Variants in AGTPBP1 observed in about 807,000 individuals in gnomAD.
AGTPBP1 encodes the protein cytosolic carboxypeptidase 1.
AGTPBP1 carries 70 observed loss-of-function variants against 143.9 expected under a neutral mutation model. The observed-to-expected ratio is 0.49, with a 90% CI of 0.40 to 0.59. AGTPBP1 has a LOEUF of 0.59. AGTPBP1 is among the 20% of genes least tolerant of loss of function. AGTPBP1 has a pLI of 0.00. For synonymous variants in AGTPBP1, 463 were observed against 500.2 expected (o/e 0.93, Z 0.99); for missense variants, 1,229 against 1,464.5 (o/e 0.84, Z 2.62).
chr9:85,625,904 GT>G (rs368474275), intron 14 of AGTPBP1, among the ~76,000 whole-genome samples: 125 of 105,726 alleles, frequency 1.2e-3, no homozygotes, highest in Admixed American at 2.1e-3. Context: ...ACCTAGTTTT[GT>G]TTTTTTTTTT....
At chr9:85,573,109 C>A (rs10868325) in intron 25 of AGTPBP1, among the ~76,000 whole-genome samples, 21,896 of 151,652 alleles carry the variant, frequency 0.14, 2,250 homozygotes, top group East Asian at 0.51. Context: ...CCCTTCCCCA[C>A]GGTCTCCCTC....
At chr9:85,581,476 A>G (rs1828256410) in intron 23 of AGTPBP1, among the ~76,000 whole-genome samples, 1 of 152,248 alleles carries the variant, frequency 6.6e-6, no homozygotes, top group Non-Finnish European at 1.5e-5. Context: ...AGCTATAAGC[A>G]CAATACAAAT....
chr9:85,649,298 G>A (rs547483826), intron 11 of AGTPBP1, among the ~76,000 whole-genome samples: 18 of 152,184 alleles, frequency 1.2e-4, no homozygotes, highest in African/African-American at 4.1e-4. Context: ...AGTACATCAC[G>A]GGAAGTTTAT....
chr9:85,740,543 T>C (rs1001911013), intron 1 of AGTPBP1, among the ~76,000 whole-genome samples: 1 of 152,350 alleles, frequency 6.6e-6, no homozygotes, highest in South Asian at 2.1e-4. Flanking sequence ...GTTCCTTAAA[T>C]AAATCATTTC....
chr9:85,663,613 TG>T (rs1376074554), intron 8 of AGTPBP1, among the ~76,000 whole-genome samples: 2 of 143,932 alleles, frequency 1.4e-5, no homozygotes, highest in East Asian at 2.0e-4. Flanking sequence ...CCCATAATGA[TG>T]GGGGAAAAAA....
At chr9:85,646,184 T>C (rs75619813) in intron 12 of AGTPBP1, 137 bp downstream of exon 12, 12,422 of 617,338 alleles carry the variant, frequency 0.02, 461 homozygotes, top group African/African-American at 0.11. Context: ...ACCCCTTTAA[T>C]TGCATAGTCA....
At chr9:85,648,790 C>G (rs1035857658) in intron 11 of AGTPBP1, among the ~76,000 whole-genome samples, 1 of 151,882 alleles carries the variant, frequency 6.6e-6, no homozygotes, top group Non-Finnish European at 1.5e-5. Flanking sequence ...CCAGCCTGGG[C>G]AACAGTGCGA....
chr9:85,577,381 T>C (rs1564025522), intron 24 of AGTPBP1, among the ~76,000 whole-genome samples: 2 of 152,224 alleles, frequency 1.3e-5, no homozygotes. Context: ...CCTATATTCT[T>C]ATAAAAAAGT....
At chr9:85,697,687 C>T (rs1185025902) in intron 2 of AGTPBP1, among the ~76,000 whole-genome samples, 4 of 151,764 alleles carry the variant, frequency 2.6e-5, no homozygotes, top group Non-Finnish European at 4.4e-5. Flanking sequence ...CTCCTGACCT[C>T]GTGATCCGCC....
chr9:85,766,275 A>G, the AGTPBP1 span, among the ~76,000 whole-genome samples: 2 of 152,194 alleles, frequency 1.3e-5, no homozygotes, highest in African/African-American at 4.8e-5. Flanking sequence ...TACCTCTTAC[A>G]TTATTTATTC....
chr9:85,612,753 C>G (rs1354503535), intron 17 of AGTPBP1, among the ~76,000 whole-genome samples: 1 of 152,008 alleles, frequency 6.6e-6, no homozygotes, highest in Non-Finnish European at 1.5e-5. Context: ...TGTATCATAA[C>G]TGAATTGTAG....
At chr9:85,661,240 GT>G (rs1833840091) in intron 8 of AGTPBP1, among the ~76,000 whole-genome samples, 2 of 152,026 alleles carry the variant, frequency 1.3e-5, no homozygotes, top group African/African-American at 4.8e-5. Context: ...CAATGTCTAA[GT>G]ATTTGTCAGA....
At chr9:85,782,184 G>T in the AGTPBP1 span, among the ~76,000 whole-genome samples, 28 of 152,250 alleles carry the variant, frequency 1.8e-4, no homozygotes, top group African/African-American at 6.3e-4. Context: ...AAAATAATAT[G>T]GAGGAGCAAT....
At position 85,633,141 on chromosome 9, in the gene AGTPBP1, C is replaced by T. The variant is rs762268127; in HGVS notation, c.1536G>A (p.Gln512=). 2 of 1,613,852 alleles carry T rather than the reference C, an allele frequency of 1.2e-6. No individual in the cohort carries two copies. The highest frequency in any genetic ancestry group is 1.7e-5 in the Admixed American group (1 of 59,962). Residue 512 remains glutamine (Q), a synonymous_variant, in exon 14 of 26, where the codon CAG becomes CAA. Transcript: ENST00000357081. The stretch of plus-strand genomic sequence containing the variant: ...AAATAGTTCTATTTTGATCACCTGG[C>T]TGCTGTTGTAATGTTCTATCATTAT... The part of the protein sequence containing the change: ...IKDNDRTLQQ[Q]PGDQNRTISS...
the AGTPBP1 span, among the ~76,000 whole-genome samples, chr9:85,793,858 T>C: frequency 6.6e-6 from 1 of 152,256 alleles, no homozygotes; most frequent in Admixed American, 6.5e-5. Flanking sequence ...GTAGCTAAAG[T>C]TATTTATTTC....
the AGTPBP1 span, chr9:85,764,827 G>C: frequency 7.6e-7 from 1 of 1,318,230 alleles, no homozygotes; most frequent in South Asian, 1.2e-5. Context: ...AGATTTCAGA[G>C]CAAGTTGAAG....
At chr9:85,745,161 G>A (rs767709574), upstream of AGTPBP1, among the ~76,000 whole-genome samples, 4 of 152,108 alleles carry the variant, frequency 2.6e-5, no homozygotes, top group African/African-American at 4.8e-5. Context: ...CCTCTTCTGC[G>A]GATCACCTTA....
At chr9:85,747,674 CA>C in the AGTPBP1 span, among the ~76,000 whole-genome samples, 1 of 152,074 alleles carries the variant, frequency 6.6e-6, no homozygotes, top group Non-Finnish European at 1.5e-5. Flanking sequence ...CACTATAAGA[CA>C]ACCCAGTGAA....
the AGTPBP1 span, among the ~76,000 whole-genome samples, chr9:85,775,730 G>A: frequency 8.6e-5 from 13 of 151,914 alleles, no homozygotes; most frequent in Non-Finnish European, 1.3e-4. Flanking sequence ...TCTGATGTTC[G>A]AGGACAGGAA....
Sources: gnomAD v4.1 joint callset for allele counts (sites outside exome capture counted in the v4.1 genomes callset) on GRCh38, gnomAD v4.1.1 for gene constraint, MANE v1.5 for transcripts, NCBI Gene and HGNC (gene_info 2026-07-23, HGNC 2026-07-21) for gene names.